The following TCERG1L variants were observed in gnomAD, a reference collection of about 807,000 sequenced individuals.
The protein encoded by TCERG1L is transcription elongation regulator 1 like, also known as transcription elongation regulator 1-like protein.
In TCERG1L, 37 loss-of-function variants were observed where a neutral mutation model predicts 56.3. The ratio of observed to expected loss-of-function variants is 0.66; its 90% CI spans 0.51 to 0.87. The LOEUF is 0.87. Among genes scored for constraint, TCERG1L ranks in the 40% least tolerant of loss-of-function variants. The probability of loss-of-function intolerance (pLI) is 0.00; values close to 1 mark genes in which losing one functional copy is unlikely to be tolerated. For missense variants in TCERG1L, 799 were observed against 774.2 expected (o/e 1.03, Z -0.38); for synonymous variants, 324 against 326.3 (o/e 0.99, Z 0.08).
chr10:131,119,927 A>G (rs892071480), intron 8 of TCERG1L, among the ~76,000 whole-genome samples: 1 of 152,142 alleles, frequency 6.6e-6, no homozygotes, highest in African/African-American at 2.4e-5. Flanking sequence ...GGTCCAATGT[A>G]TAGGTTGAAA....
chr10:131,101,039 G>A (rs913735828), intron 10 of TCERG1L, among the ~76,000 whole-genome samples: 1 of 152,232 alleles, frequency 6.6e-6, no homozygotes, highest in Non-Finnish European at 1.5e-5. Flanking sequence ...TCTGGGTGAT[G>A]TCACAGGGAC....
intron 10 of TCERG1L, 29 bp from the exon 11 acceptor site, chr10:131,098,453 T>G: frequency 6.6e-7 from 1 of 1,525,460 alleles, no homozygotes; most frequent in Non-Finnish European, 8.8e-7. Context: ...AAGAAAAACA[T>G]CATGAAATTG....
In TCERG1L at chr10:131,290,370, G is replaced by A. The variant is rs866783735; in HGVS notation, c.670+17841C>T. On this transcript the variant is annotated intron_variant, in intron 3 of 11. Coordinates refer to ENST00000368642, the MANE Select transcript of TCERG1L (RefSeq NM_174937.4). Reference sequence around the variant, plus strand: ...CATTAGGCCGGGCATGGTGGCTCCCGCCTGTAATCCCAGCACTTTAGGAGG... The same window carrying A: ...CATTAGGCCGGGCATGGTGGCTCCCACCTGTAATCCCAGCACTTTAGGAGG... 3.9e-5 allele frequency among the ~76,000 whole-genome samples: 6 copies of A among 152,208 alleles called. No homozygotes were observed. The East Asian group carries it at 5.8e-4, about 15-fold the overall frequency.
chr10:131,272,548 C>A (rs1170884751), intron 3 of TCERG1L, among the ~76,000 whole-genome samples: 2 of 152,120 alleles, frequency 1.3e-5, no homozygotes, highest in Admixed American at 1.3e-4. Flanking sequence ...TCCCCAAGGG[C>A]CCCCACCATT....
chr10:131,188,313 G>A lies in TCERG1L; in HGVS notation c.857-21428C>T, dbSNP rs142144112. Among the ~76,000 whole-genome samples the A allele has an allele frequency of 1.6e-4, 24 of 152,306 alleles. No individual in the cohort carries two copies. In the East Asian group the frequency reaches 4.0e-3, roughly 26 times the overall value. ...AAGAGAACACAGTAAAAACGGGCACGCGCTCCTCATTTCCATGCAAACACC... is the reference window on the plus strand; with the variant it reads ...AAGAGAACACAGTAAAAACGGGCACACGCTCCTCATTTCCATGCAAACACC... On this transcript the variant is annotated intron_variant, in intron 4 of 11. Transcript: ENST00000368642.
At chr10:131,256,988 GGAAGGAAAGAAA>G (rs1216553907) in intron 4 of TCERG1L, among the ~76,000 whole-genome samples, 2,017 of 71,604 alleles carry the variant, frequency 0.028, 12 homozygotes, top group Non-Finnish European at 0.036. Context: ...AAGGAAGGAA[GGAAGGAAAGAAA>G]GAAAGAAAGA....
intron 8 of TCERG1L, 100 bp downstream of exon 8, chr10:131,134,279 T>C: frequency 9.0e-7 from 1 of 1,106,224 alleles, no homozygotes; most frequent in Non-Finnish European, 1.3e-6. Context: ...GAATTAGCTC[T>C]TTGCTCATAG....
chr10:131,167,072 G>A (rs557729873), intron 4 of TCERG1L, among the ~76,000 whole-genome samples, 187 bp from the exon 5 acceptor site: 9 of 152,332 alleles, frequency 5.9e-5, no homozygotes, highest in African/African-American at 1.2e-4. Flanking sequence ...ATCCCAAAGC[G>A]AGGATGCACC....
At chr10:131,284,722 A>G (rs1015800562) in intron 3 of TCERG1L, among the ~76,000 whole-genome samples, 1 of 152,158 alleles carries the variant, frequency 6.6e-6, no homozygotes, top group Non-Finnish European at 1.5e-5. Flanking sequence ...CTATTATTAT[A>G]GCATATTAAA....
intron 4 of TCERG1L, among the ~76,000 whole-genome samples, chr10:131,193,409 AT>A (rs1247364793): frequency 2.0e-4 from 31 of 152,198 alleles, no homozygotes; most frequent in Non-Finnish European, 4.6e-4. Context: ...CAAGTCAGAA[AT>A]TATTTGCTTA....
intron 8 of TCERG1L, among the ~76,000 whole-genome samples, chr10:131,117,533 C>T (rs545452418): frequency 6.6e-6 from 1 of 152,334 alleles, no homozygotes; most frequent in African/African-American, 2.4e-5. Context: ...ACCCAGGGGC[C>T]CTGGAGAAGT....
Position 131,109,029 on chromosome 10 carries a change from C to T in TCERG1L, c.1396-4675G>A, listed in dbSNP as rs71478070. On this transcript the variant is annotated intron_variant, in intron 9 of 11. Transcript: ENST00000368642. ...ACGGGTGTGACATGGGCCCCGTCCA[C>T]GCTCAAGGAGAGGACCACCCAGGAT... Among the ~76,000 whole-genome samples, 312 of 151,840 alleles carry T rather than the reference C, an allele frequency of 2.1e-3. 2 individuals carry two copies. The highest frequency in any genetic ancestry group is 3.7e-3 in the Non-Finnish European group (251 of 68,002).
chr10:131,237,830 T>C (rs1270702134), intron 4 of TCERG1L, among the ~76,000 whole-genome samples: 1 of 152,144 alleles, frequency 6.6e-6, no homozygotes, highest in African/African-American at 2.4e-5. Flanking sequence ...TAACACCTAA[T>C]GGGTTGCAAG....
At chr10:131,289,259 C>T (rs912270373) in intron 3 of TCERG1L, among the ~76,000 whole-genome samples, 3 of 151,710 alleles carry the variant, frequency 2.0e-5, no homozygotes, top group South Asian at 2.1e-4. Flanking sequence ...AAGAGTCTAA[C>T]AGCAGGTGAT....
chr10:131,125,146 G>A (rs1272209382), intron 8 of TCERG1L, among the ~76,000 whole-genome samples: 1 of 151,276 alleles, frequency 6.6e-6, no homozygotes, highest in Non-Finnish European at 1.5e-5. Flanking sequence ...TGGTGAGGAA[G>A]ATGGTGGTGG....
At chr10:131,306,710 G>A (rs1289517469) in intron 3 of TCERG1L, among the ~76,000 whole-genome samples, 2 of 151,964 alleles carry the variant, frequency 1.3e-5, no homozygotes, top group African/African-American at 4.8e-5. Context: ...AAAAATCAAA[G>A]AAGGTAAAAT....
At chr10:131,203,184 T>A (rs556020432) in intron 4 of TCERG1L, among the ~76,000 whole-genome samples, 1 of 152,198 alleles carries the variant, frequency 6.6e-6, no homozygotes, top group Non-Finnish European at 1.5e-5. Flanking sequence ...GATATGCGTA[T>A]ACCTGTCTTC....
intron 6 of TCERG1L, chr10:131,162,641 T>C (rs921864383): frequency 2.0e-5 from 3 of 152,978 alleles, no homozygotes; most frequent in African/African-American, 4.8e-5. Flanking sequence ...ATGACTCCAT[T>C]ATAAAAGGGC....
intron 3 of TCERG1L, among the ~76,000 whole-genome samples, chr10:131,283,195 T>C (rs1340978171): frequency 1.3e-5 from 2 of 152,238 alleles, no homozygotes; most frequent in Non-Finnish European, 2.9e-5. Context: ...TTAGACGGGA[T>C]GCATTGGTAC....
Sources: allele counts gnomAD v4.1 joint callset (sites outside exome capture counted in the v4.1 genomes callset), GRCh38; gene constraint gnomAD v4.1.1; transcripts MANE v1.5; gene names NCBI Gene and HGNC (gene_info 2026-07-23, HGNC 2026-07-21).